The following CSMD1 variants were observed in gnomAD, a reference collection of about 807,000 sequenced individuals.
CSMD1 encodes CUB and Sushi multiple domains 1, also known as CUB and sushi domain-containing protein 1.
A neutral mutation model predicts 417.5 loss-of-function variants in CSMD1; 213 were observed. That is an observed-to-expected ratio of 0.51 (90% CI 0.46 to 0.57). CSMD1 has a LOEUF of 0.57. Among genes scored for constraint, CSMD1 ranks in the 20% least tolerant of loss-of-function variants. The pLI, the probability that CSMD1 is intolerant of heterozygous loss-of-function variation, is 0.00. For missense variants in CSMD1, 6,923 were observed against 4,529.7 expected (o/e 1.53, Z -15.17); for synonymous variants, 2,862 against 1,736.8 (o/e 1.65, Z -16.11).
chr8:4,047,910 G>C (rs371688689), intron 3 of CSMD1, among the ~76,000 whole-genome samples: 14 of 152,032 alleles, frequency 9.2e-5, no homozygotes, highest in Non-Finnish European at 1.6e-4. Context: ...ATTTTATGTA[G>C]TATTATAAAA....
At chr8:3,584,383 G>C (rs568783487) in intron 9 of CSMD1, among the ~76,000 whole-genome samples, 6 of 152,164 alleles carry the variant, frequency 3.9e-5, no homozygotes, top group African/African-American at 1.4e-4. Flanking sequence ...ATATGATCAA[G>C]TGGGACACTT....
intron 5 of CSMD1, among the ~76,000 whole-genome samples, chr8:3,920,731 T>G (rs905207594): frequency 2.2e-5 from 2 of 89,130 alleles, no homozygotes; most frequent in Non-Finnish European, 4.5e-5. Flanking sequence ...TCTATTGAGA[T>G]GATCCTATAA....
At chr8:3,593,357 G>A (rs541497996) in intron 8 of CSMD1, among the ~76,000 whole-genome samples, 22 of 152,228 alleles carry the variant, frequency 1.4e-4, no homozygotes, top group Non-Finnish European at 2.4e-4. Flanking sequence ...TCTGGAGAAG[G>A]TGGGAGGAGC....
At chr8:3,904,751 C>G (rs1011564442) in intron 5 of CSMD1, among the ~76,000 whole-genome samples, 7 of 151,786 alleles carry the variant, frequency 4.6e-5, no homozygotes, top group African/African-American at 1.5e-4. Flanking sequence ...ATTCTCATAC[C>G]TCAGCCTCCC....
chr8:3,353,532 G>T (rs1033727891), intron 21 of CSMD1, among the ~76,000 whole-genome samples: 1 of 152,176 alleles, frequency 6.6e-6, no homozygotes. Flanking sequence ...AAGAAACTGC[G>T]AGAGCGCTCC....
chr8:3,296,140 A>G (rs200002546), intron 25 of CSMD1, among the ~76,000 whole-genome samples: 1 of 152,198 alleles, frequency 6.6e-6, no homozygotes, highest in East Asian at 1.9e-4. Flanking sequence ...TCACTGGGAT[A>G]CTAATTCTTA....
intron 2 of CSMD1, among the ~76,000 whole-genome samples, chr8:4,486,404 C>A (rs1281390773): frequency 6.6e-6 from 1 of 150,754 alleles, no homozygotes; most frequent in African/African-American, 2.4e-5. Context: ...TTCCAGGAAT[C>A]ATAACATGAT....
intron 1 of CSMD1, among the ~76,000 whole-genome samples, chr8:4,980,500 G>A (rs4875427): frequency 0.7 from 106,203 of 152,154 alleles, 38,235 homozygotes; most frequent in African/African-American, 0.85. Context: ...TAAAATGAAA[G>A]GAGAATTCCT....
At chr8:4,548,939 GATCT>G (rs1250959021) in intron 2 of CSMD1, among the ~76,000 whole-genome samples, 11 of 151,994 alleles carry the variant, frequency 7.2e-5, no homozygotes, top group Non-Finnish European at 1.3e-4. Context: ...CTCCATATTT[GATCT>G]ATCTAAGTTA....
intron 3 of CSMD1, among the ~76,000 whole-genome samples, chr8:4,200,398 A>G (rs1002114497): frequency 5.9e-5 from 9 of 152,200 alleles, no homozygotes; most frequent in African/African-American, 2.2e-4. Flanking sequence ...AGCAGAAAAA[A>G]ATTAATGAAA....
intron 2 of CSMD1, among the ~76,000 whole-genome samples, chr8:4,459,858 C>T (rs562190627): frequency 6.6e-6 from 1 of 152,130 alleles, no homozygotes; most frequent in African/African-American, 2.4e-5. Flanking sequence ...CATGCCCCTA[C>T]CAGAGCCTCA....
chr8:3,792,870 A>C (rs1289286066), intron 5 of CSMD1, among the ~76,000 whole-genome samples: 1 of 152,204 alleles, frequency 6.6e-6, no homozygotes, highest in African/African-American at 2.4e-5. Context: ...AAGTCACCCT[A>C]CATACTTGCC....
chr8:4,543,039 A>G (rs1797470313), intron 2 of CSMD1, among the ~76,000 whole-genome samples: 1 of 152,226 alleles, frequency 6.6e-6, no homozygotes, highest in Non-Finnish European at 1.5e-5. Context: ...AAAATGTAGC[A>G]GAAATAAGAT....
At chr8:4,589,780 A>G (rs1799893021) in intron 2 of CSMD1, among the ~76,000 whole-genome samples, 1 of 152,238 alleles carries the variant, frequency 6.6e-6, no homozygotes, top group Non-Finnish European at 1.5e-5. Context: ...AACTTGGGAA[A>G]AAATATATAT....
intron 1 of CSMD1, among the ~76,000 whole-genome samples, chr8:4,909,719 G>A (rs533904785): frequency 6.6e-6 from 1 of 152,134 alleles, no homozygotes; most frequent in African/African-American, 2.4e-5. Context: ...GCTCATGAAA[G>A]TGACCATTTA....
intron 3 of CSMD1, among the ~76,000 whole-genome samples, chr8:4,382,847 A>G (rs1223505274): frequency 6.6e-6 from 1 of 152,158 alleles, no homozygotes; most frequent in Non-Finnish European, 1.5e-5. Flanking sequence ...GACCTTACAC[A>G]TTTTGCCTAC....
At chr8:3,425,280 C>A (rs1813761151) in intron 12 of CSMD1, among the ~76,000 whole-genome samples, 1 of 152,248 alleles carries the variant, frequency 6.6e-6, no homozygotes, top group African/African-American at 2.4e-5. Context: ...ACAAGGGAAA[C>A]TCCTGTATGT....
chr8:3,143,229 A>G lies in CSMD1; in HGVS notation c.6032-555T>C, dbSNP rs1226942682. On this transcript the variant is annotated intron_variant, in intron 40 of 69. Coordinates refer to ENST00000635120, the MANE Select transcript of CSMD1 (RefSeq NM_033225.6). ...CACAGTTCTATGCAACCAACTTTAA[A>G]GGTGGCTTTTACTAACTGGACGGTC... 2.0e-5 allele frequency among the ~76,000 whole-genome samples: 3 copies of G among 152,174 alleles called. 1 individual carries two copies. The highest frequency in any genetic ancestry group is 4.4e-5 in the Non-Finnish European group (3 of 68,034).
intron 41 of CSMD1, among the ~76,000 whole-genome samples, chr8:3,141,890 C>CT (rs1242568695): frequency 6.6e-6 from 1 of 151,768 alleles, no homozygotes; most frequent in Non-Finnish European, 1.5e-5. Flanking sequence ...CTCCGCCTCC[C>CT]GGGTTCACGC....
Sources: allele counts gnomAD v4.1 joint callset (sites outside exome capture counted in the v4.1 genomes callset), GRCh38; gene constraint gnomAD v4.1.1; transcripts MANE v1.5; gene names NCBI Gene and HGNC (gene_info 2026-07-23, HGNC 2026-07-21).